Variants in RCC1L observed in about 807,000 individuals in gnomAD.
RCC1L encodes RCC1-like G exchanging factor-like protein.
In RCC1L, 46 loss-of-function variants were observed where a neutral mutation model predicts 58.6. The observed-to-expected ratio is 0.79, with a 90% CI of 0.62 to 1.00. RCC1L has a LOEUF of 1.00. RCC1L is among the 50% of genes least tolerant of loss of function. The pLI, the probability that RCC1L is intolerant of heterozygous loss-of-function variation, is 0.00. For synonymous variants in RCC1L, 281 were observed against 262.9 expected, an observed-to-expected ratio of 1.07 and a Z score of -0.67; for missense variants, 636 against 623.6, an observed-to-expected ratio of 1.02 and a Z score of -0.21.
chr7:75,050,134 T>A (rs894725967), intron 10 of RCC1L, among the ~76,000 whole-genome samples: 3 of 151,860 alleles, frequency 2.0e-5, no homozygotes, highest in Non-Finnish European at 4.4e-5. Flanking sequence ...AAGCAAATGA[T>A]AGCCAGGCGT....
chr7:75,051,355 CATATATATACACACAT>C (rs1485633436), intron 10 of RCC1L, among the ~76,000 whole-genome samples: 1 of 149,492 alleles, frequency 6.7e-6, no homozygotes, highest in South Asian at 2.1e-4. Flanking sequence ...TACACACACA[CATATATATACACACAT>C]ATATATATAC....
At chr7:75,054,565 C>T (rs1301730063) in intron 9 of RCC1L, among the ~76,000 whole-genome samples, 1 of 152,100 alleles carries the variant, frequency 6.6e-6, no homozygotes, top group Non-Finnish European at 1.5e-5. Flanking sequence ...TATTTGTTTC[C>T]CCCAAAATTA....
intron 6 of RCC1L, among the ~76,000 whole-genome samples, chr7:75,059,709 CACA>C (rs1353562248): frequency 1.3e-5 from 2 of 152,224 alleles, no homozygotes; most frequent in East Asian, 1.9e-4. Context: ...CCTGCCTGAT[CACA>C]ACAAGCAATT....
chr7:75,039,626 G>A (rs977538628), downstream of RCC1L, among the ~76,000 whole-genome samples: 1 of 152,116 alleles, frequency 6.6e-6, no homozygotes, highest in African/African-American at 2.4e-5. Flanking sequence ...AGGGAGATGG[G>A]GGGGAGGCCT....
chr7:75,038,413 G>A (rs886430856), downstream of RCC1L, among the ~76,000 whole-genome samples: 5 of 151,868 alleles, frequency 3.3e-5, no homozygotes, highest in East Asian at 7.7e-4. Flanking sequence ...CACCATGCAC[G>A]GTTAATTTTT....
rs587678886 is a variant in RCC1L, at chr7:75,066,944, A to G, written c.455-152T>C. 14 of 1,047,786 alleles carry G rather than the reference A, an allele frequency of 1.3e-5. 1 individual carries two copies. The highest frequency in any genetic ancestry group is 6.5e-5 in the East Asian group (2 of 30,544). The allele number at this position is 1,047,786 out of a possible 1,614,324, so 64.9% of individuals were successfully genotyped here. On this transcript the variant is annotated intron_variant, in intron 2 of 10. Transcript: ENST00000610322. ...AGTTAGGCGCAGAGCAAGGACCAGA[A>G]GCCCAACTCCCAGCCCATGGCATGG...
chr7:75,066,700 G>A lies in RCC1L; in HGVS notation c.547C>T (p.Arg183Ter), dbSNP rs782489539. The A allele has an allele frequency of 2.6e-5, 42 of 1,613,188 alleles. No homozygotes were observed. The highest frequency in any genetic ancestry group is 3.5e-5 in the Non-Finnish European group (41 of 1,179,588). Residue 183 changes from arginine (R) to a stop codon, truncating the protein, a stop_gained, in exon 3 of 11, where the codon CGA becomes TGA. Coordinates refer to ENST00000610322, the MANE Select transcript of RCC1L (RefSeq NM_030798.5). LOFTEE classifies it high-confidence loss of function. ...TCAGTCAACACAAGAGAGTGAGCTC[G>A]GCCGCAGGAGACCTGCAGCACCCGT... ...ETRVLQVSCGRAHSLVLTDRE... is the reference protein window; with the variant it reads ...ETRVLQVSCG
intron 5 of RCC1L, among the ~76,000 whole-genome samples, chr7:75,061,560 C>A (rs1332611552): frequency 6.6e-6 from 1 of 152,140 alleles, no homozygotes; most frequent in Non-Finnish European, 1.5e-5. Flanking sequence ...AGAACCACCC[C>A]TTCTCCATAA....
chr7:75,053,015 T>A (rs797038694), intron 9 of RCC1L, among the ~76,000 whole-genome samples: 16,789 of 142,486 alleles, frequency 0.12, 2,967 homozygotes, highest in African/African-American at 0.39. Flanking sequence ...TTCTGCTGCA[T>A]CCACCCACGT....
chr7:75,070,763 A>G lies in RCC1L; in HGVS notation c.331T>C (p.Ser111Pro). 6.2e-7 allele frequency: 1 copy of G among 1,614,016 alleles called. No homozygotes were observed. The highest frequency in any genetic ancestry group is 8.5e-7 in the Non-Finnish European group (1 of 1,179,962). Residue 111 changes from serine (S) to proline (P), a missense_variant, in exon 2 of 11, where the codon TCT becomes CCT. Ser to Pro is a moderately conservative substitution (Grantham distance 74). Coordinates refer to ENST00000610322, the MANE Select transcript of RCC1L (RefSeq NM_030798.5). Reference sequence around the variant, plus strand: ...GTGAATCCATAGCCGCAAGCAGCAGATGAAATCTGAAAAGCAGTTCCCACA... The same window carrying G: ...GTGAATCCATAGCCGCAAGCAGCAGGTGAAATCTGAAAAGCAGTTCCCACA... ...YRLELDQKIS[S>P]AACGYGFTLL...
chr7:75,055,871 A>G, intron 9 of RCC1L, 30 bp downstream of exon 9: 2 of 1,613,848 alleles, frequency 1.2e-6, no homozygotes, highest in Non-Finnish European at 1.7e-6. Flanking sequence ...TGCTGGGCTC[A>G]CACCAGGGCC....
intron 2 of RCC1L, among the ~76,000 whole-genome samples, chr7:75,067,282 CA>C (rs1554445297): frequency 3.4e-5 from 5 of 146,120 alleles, no homozygotes; most frequent in African/African-American, 1.3e-4. Context: ...GCCTGGGGGA[CA>C]AGAGCGAGAC....
chr7:75,038,761 TGAG>T (rs1395713674), downstream of RCC1L, among the ~76,000 whole-genome samples: 3 of 152,158 alleles, frequency 2.0e-5, no homozygotes, highest in South Asian at 2.1e-4. Flanking sequence ...AGGGGGCCCT[TGAG>T]GAGCTCAGAA....
downstream of RCC1L, among the ~76,000 whole-genome samples, chr7:75,040,539 T>C (rs1805530423): frequency 6.6e-6 from 1 of 152,036 alleles, no homozygotes; most frequent in Non-Finnish European, 1.5e-5. Flanking sequence ...AAAACTCACC[T>C]TCTCCAGAGA....
chr7:75,031,823 C>T (rs1027721032), intron 10 of RCC1L, among the ~76,000 whole-genome samples: 5 of 152,174 alleles, frequency 3.3e-5, no homozygotes, highest in African/African-American at 4.8e-5. Flanking sequence ...CTCAGAGTCA[C>T]TCATGAGGTT....
intron 10 of RCC1L, among the ~76,000 whole-genome samples, chr7:75,028,969 C>T (rs1805221184): frequency 6.6e-6 from 1 of 151,496 alleles, no homozygotes; most frequent in African/African-American, 2.4e-5. Context: ...GCTGGGGGAT[C>T]AGAGGCTTCC....
chr7:75,048,815 T>C (rs1805824504), intron 10 of RCC1L, among the ~76,000 whole-genome samples: 1 of 152,240 alleles, frequency 6.6e-6, no homozygotes, highest in Non-Finnish European at 1.5e-5. Flanking sequence ...CCACACCAGC[T>C]TCAGGCTCGC....
At chr7:75,064,543 A>C in intron 4 of RCC1L, 39 bp downstream of exon 4, 1 of 1,610,812 alleles carries the variant, frequency 6.2e-7, no homozygotes, top group Non-Finnish European at 8.5e-7. Flanking sequence ...TTTGACACTT[A>C]ACTCAACATG....
intron 10 of RCC1L, among the ~76,000 whole-genome samples, chr7:75,044,022 G>T (rs1211326371): frequency 6.6e-6 from 1 of 152,166 alleles, no homozygotes; most frequent in African/African-American, 2.4e-5. Context: ...GCCTGTCTGG[G>T]CTGACAACAT....
Sources: gnomAD v4.1 joint callset for allele counts (sites outside exome capture counted in the v4.1 genomes callset) on GRCh38, gnomAD v4.1.1 for gene constraint, MANE v1.5 for transcripts, NCBI Gene and HGNC (gene_info 2026-07-23, HGNC 2026-07-21) for gene names.